The following DENND1B variants were observed in gnomAD, a reference collection of about 807,000 sequenced individuals.
The protein encoded by DENND1B is DENN domain containing 1B.
In DENND1B, 59 loss-of-function variants were observed where a neutral mutation model predicts 90.1. The observed-to-expected ratio is 0.65, with a 90% confidence interval of 0.53 to 0.81. The LOEUF (loss-of-function observed/expected upper bound fraction) is 0.81, where lower values mean the gene tolerates loss of function less well. Among genes scored for constraint, DENND1B ranks in the 40% least tolerant of loss-of-function variants. The pLI, the probability that DENND1B is intolerant of heterozygous loss-of-function variation, is 0.00. For missense variants in DENND1B, 862 were observed against 912.6 expected (o/e 0.94, Z 0.71); for synonymous variants, 337 against 324.6 (o/e 1.04, Z -0.41).
chr1:197,667,533 G>A (rs892479601), intron 5 of DENND1B, among the ~76,000 whole-genome samples: 8 of 152,134 alleles, frequency 5.3e-5, no homozygotes, highest in Non-Finnish European at 1.0e-4. Context: ...GGGTTCAAGC[G>A]ATTCTCCTGC....
At chr1:197,661,457 T>C (rs1190759034) in intron 5 of DENND1B, among the ~76,000 whole-genome samples, 2 of 152,080 alleles carry the variant, frequency 1.3e-5, no homozygotes, top group Admixed American at 1.3e-4. Flanking sequence ...AATTTCAATG[T>C]GTCATGTAGT....
intron 20 of DENND1B, among the ~76,000 whole-genome samples, chr1:197,529,574 C>G (rs1297982020): frequency 6.6e-6 from 1 of 151,760 alleles, no homozygotes; most frequent in Non-Finnish European, 1.5e-5. Flanking sequence ...GTCTGTGAGT[C>G]TCATGAAGAC....
intron 13 of DENND1B, among the ~76,000 whole-genome samples, chr1:197,602,632 C>A (rs936665042): frequency 1.3e-5 from 2 of 150,954 alleles, no homozygotes; most frequent in Admixed American, 1.3e-4. Context: ...CATGTTAAAC[C>A]TTCATGTTAG....
chr1:197,698,176 A>G (rs1354187741), intron 3 of DENND1B, among the ~76,000 whole-genome samples: 4 of 152,086 alleles, frequency 2.6e-5, no homozygotes, highest in African/African-American at 9.7e-5. Flanking sequence ...GAAGTAAAAC[A>G]TTCCTCAGCA....
chr1:197,743,764 C>T (rs1663436095), intron 2 of DENND1B, among the ~76,000 whole-genome samples: 1 of 152,162 alleles, frequency 6.6e-6, no homozygotes, highest in African/African-American at 2.4e-5. Flanking sequence ...AGTAGGACTG[C>T]TTGAGCCCAG....
intron 2 of DENND1B, among the ~76,000 whole-genome samples, chr1:197,739,163 G>A (rs978946692): frequency 6.6e-6 from 1 of 152,206 alleles, no homozygotes; most frequent in Non-Finnish European, 1.5e-5. Context: ...ACCACCCAGA[G>A]TGGGAAAACC....
chr1:197,604,881 A>T (rs1367884020), intron 13 of DENND1B, among the ~76,000 whole-genome samples: 3 of 151,160 alleles, frequency 2.0e-5, no homozygotes, highest in Non-Finnish European at 4.5e-5. Context: ...AAATTGTAAG[A>T]GATAACTTTA....
chr1:197,764,655 T>C (rs1008775033), intron 2 of DENND1B, among the ~76,000 whole-genome samples: 2 of 152,176 alleles, frequency 1.3e-5, no homozygotes, highest in Admixed American at 6.5e-5. Flanking sequence ...CTTTCCATTA[T>C]AAAAACTGCT....
intron 2 of DENND1B, among the ~76,000 whole-genome samples, chr1:197,755,675 AAAAG>A (rs1259532000): frequency 1.3e-5 from 2 of 152,206 alleles, no homozygotes; most frequent in African/African-American, 4.8e-5. Context: ...GGCAATTTAC[AAAAG>A]AAAGAGGTTT....
At chr1:197,779,333 T>C (rs1657374854), upstream of DENND1B, among the ~76,000 whole-genome samples, 1 of 152,232 alleles carries the variant, frequency 6.6e-6, no homozygotes, top group African/African-American at 2.4e-5. Context: ...TGACTGCATT[T>C]ATGATGTTTC....
chr1:197,513,772 T>C (rs1209845179), intron 20 of DENND1B, among the ~76,000 whole-genome samples: 2 of 151,562 alleles, frequency 1.3e-5, no homozygotes, highest in East Asian at 1.9e-4. Context: ...AAAGTTAACA[T>C]TGTATTTGGT....
At chr1:197,718,429 G>T (rs1406678885) in intron 2 of DENND1B, among the ~76,000 whole-genome samples, 1 of 149,266 alleles carries the variant, frequency 6.7e-6, no homozygotes, top group African/African-American at 2.5e-5. Flanking sequence ...GCAATGAAAT[G>T]AGCAAAAATC....
intron 6 of DENND1B, among the ~76,000 whole-genome samples, chr1:197,654,371 G>C (rs1043863711): frequency 6.6e-5 from 10 of 152,186 alleles, no homozygotes; most frequent in South Asian, 2.1e-4. Flanking sequence ...CAGCACTTTG[G>C]GGGGCTGAGG....
At chr1:197,599,002 G>T (rs1408904190) in intron 13 of DENND1B, among the ~76,000 whole-genome samples, 1 of 151,766 alleles carries the variant, frequency 6.6e-6, no homozygotes, top group Non-Finnish European at 1.5e-5. Flanking sequence ...CCATCCATGG[G>T]AAGAATTATA....
At chr1:197,556,916 T>C (rs1370440259) in intron 15 of DENND1B, among the ~76,000 whole-genome samples, 2 of 151,946 alleles carry the variant, frequency 1.3e-5, no homozygotes, top group African/African-American at 4.8e-5. Flanking sequence ...GCATCTTCAA[T>C]ACCTGGCAAA....
At chr1:197,554,098 TATACACACACACACACAC>T (rs1671487353) in intron 15 of DENND1B, among the ~76,000 whole-genome samples, 1 of 98,312 alleles carries the variant, frequency 1.0e-5, no homozygotes, top group African/African-American at 4.0e-5. Context: ...AATCAATGAT[TATACACACACACACACAC>T]ACACACACAC....
chr1:197,717,233 G>A (rs1489873645), intron 2 of DENND1B, among the ~76,000 whole-genome samples: 3 of 151,856 alleles, frequency 2.0e-5, no homozygotes, highest in Admixed American at 6.6e-5. Context: ...AAAATAATCC[G>A]ATTCAACAAC....
chr1:197,657,892 G>T (rs1248810005), intron 6 of DENND1B, among the ~76,000 whole-genome samples: 1 of 152,126 alleles, frequency 6.6e-6, no homozygotes, highest in African/African-American at 2.4e-5. Context: ...ACAAACTGGG[G>T]TGTATTGATA....
chr1:197,627,950 T>C (rs1678933389), intron 10 of DENND1B, among the ~76,000 whole-genome samples: 1 of 152,056 alleles, frequency 6.6e-6, no homozygotes, highest in South Asian at 2.1e-4. Flanking sequence ...ATAAAATACC[T>C]AGGAATCCAA....
Sources: allele counts gnomAD v4.1 joint callset (sites outside exome capture counted in the v4.1 genomes callset), GRCh38; gene constraint gnomAD v4.1.1; transcripts MANE v1.5; gene names NCBI Gene and HGNC (gene_info 2026-07-23, HGNC 2026-07-21).